ZNF292: variants seen among roughly 807,000 people sequenced by gnomAD.
The protein encoded by ZNF292 is zinc finger protein 292.
A neutral mutation model predicts 217.9 loss-of-function variants in ZNF292; 26 were observed. That is an observed-to-expected ratio of 0.12 (90% CI 0.09 to 0.17). The LOEUF is 0.17. ZNF292 is among the 10% of genes least tolerant of loss of function. The probability of loss-of-function intolerance (pLI) is 1.00; values close to 1 mark genes in which losing one functional copy is unlikely to be tolerated. For missense variants in ZNF292, 2,904 were observed against 3,175.2 expected (o/e 0.91, Z 2.05); for synonymous variants, 1,257 against 1,124.1 (o/e 1.12, Z -2.37).
At chr6:87,216,230 T>G in intron 2 of ZNF292, 69 bp from the exon 3 acceptor site, 1 of 1,415,796 alleles carries the variant, frequency 7.1e-7, no homozygotes, top group Non-Finnish European at 9.7e-7. Flanking sequence ...GATACTAGAA[T>G]TACTGGTTTT....
chr6:87,237,995 C>T (rs1319012240), intron 5 of ZNF292, among the ~76,000 whole-genome samples: 2 of 152,080 alleles, frequency 1.3e-5, no homozygotes, highest in South Asian at 2.1e-4. Context: ...TATTTAATGT[C>T]ATATTTTTTC....
intron 7 of ZNF292, among the ~76,000 whole-genome samples, chr6:87,247,474 A>G (rs1486638959): frequency 6.6e-6 from 1 of 152,194 alleles, no homozygotes; most frequent in Non-Finnish European, 1.5e-5. Context: ...AGTTATAACT[A>G]CAAGTCTACC....
At chr6:87,183,481 A>G (rs761898623) in intron 1 of ZNF292, among the ~76,000 whole-genome samples, 5 of 152,210 alleles carry the variant, frequency 3.3e-5, no homozygotes, top group Non-Finnish European at 7.4e-5. Context: ...CCTGAACACC[A>G]TAATCCCAAA....
At chr6:87,220,025 C>T (rs562962196) in intron 4 of ZNF292, among the ~76,000 whole-genome samples, 1 of 152,112 alleles carries the variant, frequency 6.6e-6, no homozygotes, top group African/African-American at 2.4e-5. Flanking sequence ...CAGGGTCTCC[C>T]TGTGTTACCC....
At chr6:87,220,932 A>G (rs1043269552) in intron 4 of ZNF292, among the ~76,000 whole-genome samples, 1 of 152,180 alleles carries the variant, frequency 6.6e-6, no homozygotes, top group Non-Finnish European at 1.5e-5. Flanking sequence ...TGCACCCATA[A>G]TCTAGCCTGC....
chr6:87,238,224 A>C (rs1308830372), intron 5 of ZNF292, among the ~76,000 whole-genome samples: 1 of 152,146 alleles, frequency 6.6e-6, no homozygotes, highest in Non-Finnish European at 1.5e-5. Flanking sequence ...GCAGTGGCTC[A>C]CACCTTAATT....
intron 1 of ZNF292, among the ~76,000 whole-genome samples, chr6:87,203,614 G>A (rs1772160059): frequency 6.6e-6 from 1 of 151,926 alleles, no homozygotes; most frequent in Non-Finnish European, 1.5e-5. Flanking sequence ...GTGGGGTGCT[G>A]CAATGGCCCA....
chr6:87,210,685 C>G (rs1290327634), intron 1 of ZNF292, among the ~76,000 whole-genome samples: 1 of 152,102 alleles, frequency 6.6e-6, no homozygotes, highest in Non-Finnish European at 1.5e-5. Flanking sequence ...GAGGCTGAGG[C>G]AGGAGAATGG....
chr6:87,202,281 C>T (rs1772120496), intron 1 of ZNF292, among the ~76,000 whole-genome samples: 1 of 151,964 alleles, frequency 6.6e-6, no homozygotes, highest in Non-Finnish European at 1.5e-5. Context: ...TTGTTAGATT[C>T]ATTCCTAGGT....
intron 5 of ZNF292, 82 bp downstream of exon 5, chr6:87,233,609 C>A: frequency 1.3e-6 from 2 of 1,537,426 alleles, no homozygotes; most frequent in South Asian, 2.6e-5. Flanking sequence ...ATTTCCTTTT[C>A]TCTTAGATAG....
At chr6:87,221,326 A>G (rs1773073572) in intron 4 of ZNF292, among the ~76,000 whole-genome samples, 1 of 152,230 alleles carries the variant, frequency 6.6e-6, no homozygotes, top group African/African-American at 2.4e-5. Flanking sequence ...CTCTTTAGTC[A>G]TAATCTTGGG....
At chr6:87,231,583 A>G (rs1316631442) in intron 4 of ZNF292, among the ~76,000 whole-genome samples, 2 of 152,192 alleles carry the variant, frequency 1.3e-5, no homozygotes, top group Admixed American at 6.5e-5. Context: ...TTAAGAGACA[A>G]ACAAAAGCCT....
Position 87,235,115 on chromosome 6 carries a change from G to A in ZNF292, c.741+1588G>A, listed in dbSNP as rs116606692. On this transcript the variant is annotated intron_variant, in intron 5 of 7. Transcript: ENST00000369577. ...ATTATTTATTTTATTACAGGTAATT[G>A]GCCTTTTAATTGCTATTATATATGA... is the stretch of plus-strand genomic sequence containing the variant. Among the ~76,000 whole-genome samples the A allele has an allele frequency of 9.6e-3, 1,460 of 151,862 alleles. 34 individuals are homozygous for A. The highest frequency in any genetic ancestry group is 0.034 in the African/African-American group (1,411 of 41,378).
intron 1 of ZNF292, chr6:87,215,099 A>T (rs969137650): frequency 1.3e-5 from 2 of 151,118 alleles, no homozygotes; most frequent in African/African-American, 5.0e-5. Flanking sequence ...AAAAACATTT[A>T]ATTAGAATCT....
intron 1 of ZNF292, among the ~76,000 whole-genome samples, chr6:87,209,884 T>A (rs7755883): frequency 0.54 from 81,369 of 151,912 alleles, 22,220 homozygotes; most frequent in Admixed American, 0.62. Flanking sequence ...TAAAGAGTCA[T>A]GAGATCAAAA....
intron 1 of ZNF292, among the ~76,000 whole-genome samples, chr6:87,175,491 AT>A (rs1771256134): frequency 6.6e-6 from 1 of 152,024 alleles, no homozygotes. Flanking sequence ...CCACACCACC[AT>A]GCCTGGCTAA....
chr6:87,188,354 G>A (rs779556395), intron 1 of ZNF292, among the ~76,000 whole-genome samples: 9 of 152,116 alleles, frequency 5.9e-5, no homozygotes, highest in African/African-American at 2.2e-4. Context: ...AAGAGAAATC[G>A]CTAAGGTAAA....
Position 87,258,442 on chromosome 6 carries a change from C to G in ZNF292, c.4813C>G (p.Arg1605Gly). Residue 1605 changes from arginine (R) to glycine (G), a missense_variant, in exon 8 of 8, where the codon CGT becomes GGT. By Grantham distance (125) the Arg-to-Gly change is moderately radical. This residue lies in a region of ZNF292 where 622 missense variants were observed against 573.1 expected (regional missense o/e 1.09). Coordinates refer to ENST00000369577, the MANE Select transcript of ZNF292 (RefSeq NM_015021.3). Reference sequence around the variant, plus strand: ...ACAAAATTTTACCAGTAACAGTTCTCGTGTTTCTGTTATAAGTGGTCCTCA... The same window carrying G: ...ACAAAATTTTACCAGTAACAGTTCTGGTGTTTCTGTTATAAGTGGTCCTCA... ...PSQNFTSNSS[R>G]VSVISGPQNT... is the part of the protein sequence containing the mutation. The G allele has an allele frequency of 6.2e-7, 1 of 1,613,580 alleles. No homozygotes were observed. Among genetic ancestry groups the G allele is most frequent in the Non-Finnish European group, 8.5e-7 (1 of 1,179,728 alleles).
rs1289487410 is a variant in ZNF292 at position 87,256,893 on chromosome 6, A to G, written c.3264A>G (p.Ser1088=). ...TAAGTAATTCATTAGGAACTCCATC[A>G]GTGCCTCCAAAAGCTCCAGTTCAGA... The part of the protein sequence containing the change: ...SDLSNSLGTP[S]VPPKAPVQKF... The change falls in exon 8 of 8, where the codon TCA becomes TCG. Residue 1088 remains serine, a synonymous_variant. Transcript: ENST00000369577. 2 of 1,613,778 alleles carry G rather than the reference A, an allele frequency of 1.2e-6. No individual in the cohort carries two copies. The highest frequency in any genetic ancestry group is 1.7e-6 in the Non-Finnish European group (2 of 1,179,848).
Sources: gnomAD v4.1 joint callset for allele counts (sites outside exome capture counted in the v4.1 genomes callset) on GRCh38, gnomAD v4.1.1 for gene constraint, gnomAD v4.1.1 regional missense constraint, MANE v1.5 for transcripts, NCBI Gene and HGNC (gene_info 2026-07-23, HGNC 2026-07-21) for gene names.